PTPRD: variants seen among roughly 807,000 people sequenced by gnomAD.
The protein encoded by PTPRD is receptor-type tyrosine-protein phosphatase delta.
PTPRD carries 34 observed loss-of-function variants against 214.5 expected under a neutral mutation model. The observed-to-expected ratio is 0.16, with a 90% CI of 0.12 to 0.21. The LOEUF is 0.21. Among genes scored for constraint, PTPRD ranks in the 10% least tolerant of loss-of-function variants. The pLI, the probability that PTPRD is intolerant of heterozygous loss-of-function variation, is 1.00. For missense variants in PTPRD, 2,545 were observed against 2,398.7 expected (o/e 1.06, Z -1.27); for synonymous variants, 1,128 against 845.7 (o/e 1.33, Z -5.79).
intron 2 of PTPRD, among the ~76,000 whole-genome samples, chr9:10,412,931 C>A (rs933174812): frequency 4.0e-5 from 6 of 151,812 alleles, no homozygotes; most frequent in African/African-American, 1.5e-4. Flanking sequence ...GTTAAAAATT[C>A]TCAATAAACT....
At chr9:10,479,445 A>G (rs1201988474) in intron 2 of PTPRD, among the ~76,000 whole-genome samples, 2 of 152,044 alleles carry the variant, frequency 1.3e-5, no homozygotes, top group Non-Finnish European at 2.9e-5. Context: ...AAGAAACTCA[A>G]ACTTAACTTG....
At chr9:8,953,462 C>G (rs868868565) in intron 11 of PTPRD, among the ~76,000 whole-genome samples, 1 of 151,798 alleles carries the variant, frequency 6.6e-6, no homozygotes, top group Non-Finnish European at 1.5e-5. Context: ...TAGCTAAGCC[C>G]TCAAAAGCAA....
chr9:10,418,766 A>C (rs747840850), intron 2 of PTPRD, among the ~76,000 whole-genome samples: 10 of 151,880 alleles, frequency 6.6e-5, no homozygotes, highest in Non-Finnish European at 1.5e-4. Flanking sequence ...AATGGTTGGA[A>C]GGAAAAAAGA....
chr9:8,998,497 G>T (rs1266437988), intron 11 of PTPRD, among the ~76,000 whole-genome samples: 1 of 151,900 alleles, frequency 6.6e-6, no homozygotes, highest in African/African-American at 2.4e-5. Context: ...GCTTAGAAAA[G>T]AAAAATTTCT....
chr9:10,400,170 TG>T (rs2098246312), intron 2 of PTPRD, among the ~76,000 whole-genome samples: 1 of 151,856 alleles, frequency 6.6e-6, no homozygotes, highest in African/African-American at 2.4e-5. Flanking sequence ...GCAGGTCAAC[TG>T]AAGTCTGTGT....
At chr9:9,336,743 AG>A (rs1209753525) in intron 9 of PTPRD, among the ~76,000 whole-genome samples, 2 of 152,170 alleles carry the variant, frequency 1.3e-5, no homozygotes, top group African/African-American at 4.8e-5. Flanking sequence ...CAACTTTTAA[AG>A]TAAGCTCACT....
chr9:9,827,968 C>A lies in PTPRD; in HGVS notation c.-367-61117G>T, dbSNP rs540220954. Among the ~76,000 whole-genome samples, 3 of 152,240 alleles carry A rather than the reference C, an allele frequency of 2.0e-5. No individual in the cohort carries two copies. The East Asian group carries it at 5.8e-4, about 29-fold the overall frequency. ...ACCACAATGAGATACAATCTCACAC[C>A]AGTTAGAATGGCGATCGTTAAAAAG... is the stretch of plus-strand genomic sequence containing the variant. On this transcript the variant is annotated intron_variant, in intron 5 of 45. Transcript: ENST00000381196.
At chr9:9,152,359 A>C (rs559011107) in intron 10 of PTPRD, among the ~76,000 whole-genome samples, 2 of 152,318 alleles carry the variant, frequency 1.3e-5, no homozygotes, top group African/African-American at 4.8e-5. Context: ...TACCCAGGTA[A>C]AATTTTCCCT....
At chr9:8,853,027 ATATTT>A (rs1197763582) in intron 11 of PTPRD, among the ~76,000 whole-genome samples, 2 of 152,212 alleles carry the variant, frequency 1.3e-5, no homozygotes, top group Non-Finnish European at 2.9e-5. Flanking sequence ...AGTCCTAAAA[ATATTT>A]TATAAATAAA....
rs368528292 is a variant in PTPRD at position 10,197,365 on chromosome 9, G to A, written c.-545+143598C>T. On this transcript the variant is annotated intron_variant, in intron 3 of 45. Transcript: ENST00000381196. Reference sequence around the variant, plus strand: ...GCCATGTATACCGAGGATGTGAATGGATTCCAACAGAATAGAAATGTGAGA... The same window carrying A: ...GCCATGTATACCGAGGATGTGAATGAATTCCAACAGAATAGAAATGTGAGA... Among the ~76,000 whole-genome samples the A allele has an allele frequency of 1.3e-3, 195 of 152,240 alleles. 1 individual carries two copies. Among genetic ancestry groups the A allele is most frequent in the Non-Finnish European group, 2.2e-3 (147 of 68,002 alleles).
intron 12 of PTPRD, among the ~76,000 whole-genome samples, chr9:8,651,358 G>C (rs893779600): frequency 6.6e-6 from 1 of 152,168 alleles, no homozygotes; most frequent in African/African-American, 2.4e-5. Context: ...CAAGCAAGCA[G>C]TGATAATAAT....
At chr9:9,971,453 A>G (rs1357336056) in intron 4 of PTPRD, among the ~76,000 whole-genome samples, 1 of 152,214 alleles carries the variant, frequency 6.6e-6, no homozygotes, top group Non-Finnish European at 1.5e-5. Flanking sequence ...GCTTGAAAGC[A>G]GTATAACTCT....
rs536664508 is a variant in PTPRD, at chr9:9,101,378, C to T, written c.-143+81926G>A. Among the ~76,000 whole-genome samples the T allele has an allele frequency of 2.4e-4, 37 of 152,122 alleles. No individual in the cohort carries two copies. In the South Asian group the frequency reaches 6.6e-3, roughly 27 times the overall value. On this transcript the variant is annotated intron_variant, in intron 10 of 45. Coordinates refer to ENST00000381196, the MANE Select transcript of PTPRD (RefSeq NM_002839.4). ...AGATGATGTTCTTGAATGAACAGTA[C>T]GATTTTTCTGGCAGCTCTATAAAAA...
At chr9:8,491,052 T>C (rs1217744028) in intron 27 of PTPRD, among the ~76,000 whole-genome samples, 1 of 152,234 alleles carries the variant, frequency 6.6e-6, no homozygotes, top group African/African-American at 2.4e-5. Context: ...AAACCATGAG[T>C]AGCGGCTGCT....
intron 12 of PTPRD, among the ~76,000 whole-genome samples, chr9:8,678,157 T>C (rs1296230820): frequency 6.6e-6 from 1 of 152,192 alleles, no homozygotes; most frequent in African/African-American, 2.4e-5. Flanking sequence ...TCCAGAAAAC[T>C]GCTTCCTTGT....
At chr9:8,856,337 T>C (rs2097915337) in intron 11 of PTPRD, among the ~76,000 whole-genome samples, 1 of 152,170 alleles carries the variant, frequency 6.6e-6, no homozygotes, top group African/African-American at 2.4e-5. Context: ...TGGTCAGAAG[T>C]ATCTATGGTT....
intron 5 of PTPRD, among the ~76,000 whole-genome samples, chr9:9,775,813 G>T (rs556617420): frequency 6.6e-6 from 1 of 151,896 alleles, no homozygotes; most frequent in Non-Finnish European, 1.5e-5. Context: ...AAAAATAGCC[G>T]GGCATGGTGG....
chr9:9,225,424 A>G (rs2133569396), intron 9 of PTPRD, among the ~76,000 whole-genome samples: 1 of 152,122 alleles, frequency 6.6e-6, no homozygotes, highest in East Asian at 1.9e-4. Context: ...AACACTATAT[A>G]AGAAGATGAA....
intron 9 of PTPRD, among the ~76,000 whole-genome samples, chr9:9,197,122 C>T (rs2099939049): frequency 6.6e-6 from 1 of 152,186 alleles, no homozygotes; most frequent in Admixed American, 6.5e-5. Context: ...TGCCTTTCTT[C>T]CTTCTGAATA....
Sources: allele counts gnomAD v4.1 joint callset (sites outside exome capture counted in the v4.1 genomes callset), GRCh38; gene constraint gnomAD v4.1.1; transcripts MANE v1.5; gene names NCBI Gene and HGNC (gene_info 2026-07-23, HGNC 2026-07-21).